PCDHGC3: variants seen among roughly 807,000 people sequenced by gnomAD.
PCDHGC3 encodes the protein protocadherin gamma subfamily C, 3.
Under a neutral mutation model 59.2 loss-of-function variants are expected in PCDHGC3, and 26 were observed. The ratio of observed to expected loss-of-function variants is 0.44; its 90% CI spans 0.32 to 0.61. The LOEUF is 0.61. Ranked by LOEUF, PCDHGC3 falls within the 20% of genes least tolerant of loss-of-function variation. PCDHGC3 has a pLI of 0.05. For synonymous variants in PCDHGC3, 487 were observed against 519.7 expected, an observed-to-expected ratio of 0.94 and a Z score of 0.86; for missense variants, 1,080 against 1,221.8, an observed-to-expected ratio of 0.88 and a Z score of 1.73.
intron 3 of PCDHGC3, among the ~76,000 whole-genome samples, chr5:141,510,556 T>TA (rs2099881668): frequency 6.6e-6 from 1 of 152,178 alleles, no homozygotes; most frequent in African/African-American, 2.4e-5. Flanking sequence ...TTTGAGCACT[T>TA]ACATCTACCA....
chr5:141,497,466 G>T (rs1047422582), intron 2 of PCDHGC3, among the ~76,000 whole-genome samples: 2 of 152,020 alleles, frequency 1.3e-5, no homozygotes, highest in African/African-American at 4.8e-5. Flanking sequence ...TGGAGATATG[G>T]AGGAGAAGGT....
intron 3 of PCDHGC3, 96 bp downstream of exon 3, chr5:141,505,577 G>C: frequency 2.5e-6 from 4 of 1,589,854 alleles, no homozygotes; most frequent in Non-Finnish European, 3.4e-6. Flanking sequence ...TGTCAAACCT[G>C]TGTAGTTTCT....
chr5:141,500,433 T>C (rs1398344932), intron 2 of PCDHGC3, among the ~76,000 whole-genome samples: 1 of 151,764 alleles, frequency 6.6e-6, no homozygotes, highest in East Asian at 1.9e-4. Context: ...ATGGTCTCGA[T>C]CTCCTGACCT....
At chr5:141,505,302 G>A (rs1733345360) in intron 2 of PCDHGC3, 91 bp from the exon 3 acceptor site, 1 of 1,592,596 alleles carries the variant, frequency 6.3e-7, no homozygotes, top group Admixed American at 1.7e-5. Flanking sequence ...TAGGGTTAGG[G>A]TACTAGGTTT....
Position 141,511,590 on chromosome 5 carries a change from A to C in PCDHGC3, c.*417A>C, listed in dbSNP as rs2099883868. On this transcript the variant is annotated 3_prime_UTR_variant, in exon 4 of 4. Transcript: ENST00000308177. ...AGTAAGGTGGTTGGGGTGTTGAAGT[A>C]CCAAGTAACCTACAAGCCTCCTAGT... The C allele has an allele frequency of 3.7e-6, 1 of 267,790 alleles. No homozygotes were observed. Among genetic ancestry groups the C allele is most frequent in the Admixed American group, 4.8e-5 (1 of 20,946 alleles). The allele number at this position is 267,790 out of a possible 1,614,324, so 16.6% of individuals were successfully genotyped here.
At chr5:141,500,086 A>G (rs1456179271) in intron 2 of PCDHGC3, among the ~76,000 whole-genome samples, 1 of 151,682 alleles carries the variant, frequency 6.6e-6, no homozygotes, top group Non-Finnish European at 1.5e-5. Flanking sequence ...TCCATCTTCC[A>G]TTTTTGCAAT....
chr5:141,487,824 C>A lies in PCDHGC3; in HGVS notation c.2431-6983C>A. The stretch of plus-strand genomic sequence containing the variant: ...TCACAGTTTAGCATTGGGGGCGGGT[C>A]ATGCCTATATCTGAGTAAGAAATGA... On this transcript the variant is annotated intron_variant, in intron 1 of 3. Coordinates refer to ENST00000308177, the MANE Select transcript of PCDHGC3 (RefSeq NM_002588.4). This position sits in a 1 kb window ranked among gnomAD's most constrained non-coding sequence, Gnocchi z 5.0. 2 of 1,247,252 alleles carry A rather than the reference C, an allele frequency of 1.6e-6. No individual in the cohort carries two copies. The highest frequency in any genetic ancestry group is 2.9e-5 in the South Asian group (2 of 68,154). The allele number at this position is 1,247,252 out of a possible 1,614,324, so 77.3% of individuals were successfully genotyped here. A position where few individuals can be genotyped will look rare whatever the true frequency, so the allele number is the denominator to read the frequency against.
rs2099687792 is a variant in PCDHGC3, at chr5:141,489,485, G to GT, written c.2431-5321dup. Reference sequence around the variant, plus strand: ...TATTTTTCCCTGAGCTTGATGAGTGGTGCCCTGGCAGTGAATCAAAAGATT... The same window carrying GT: ...TATTTTTCCCTGAGCTTGATGAGTGGTTGCCCTGGCAGTGAATCAAAAGATT... On this transcript the variant is annotated intron_variant, in intron 1 of 3. Coordinates refer to ENST00000308177, the MANE Select transcript of PCDHGC3 (RefSeq NM_002588.4). This position sits in a 1 kb window ranked among gnomAD's most constrained non-coding sequence, Gnocchi z 4.5. The GT allele has an allele frequency of 6.2e-7, 1 of 1,614,088 alleles. No individual in the cohort carries two copies. The highest frequency in any genetic ancestry group is 2.2e-5 in the East Asian group (1 of 44,868).
At chr5:141,495,591 C>G (rs2099762279) in intron 2 of PCDHGC3, among the ~76,000 whole-genome samples, 3 of 152,222 alleles carry the variant, frequency 2.0e-5, no homozygotes, top group African/African-American at 7.2e-5. Context: ...CCATCTCTGT[C>G]TTAGCTTCCG....
intron 2 of PCDHGC3, among the ~76,000 whole-genome samples, chr5:141,504,960 T>C (rs9324851): frequency 0.59 from 89,328 of 151,916 alleles, 27,885 homozygotes; most frequent in African/African-American, 0.8. Context: ...TTCAATGCAT[T>C]GGACCAGCCT....
At chr5:141,480,240 C>CA (rs11374694) in intron 1 of PCDHGC3, among the ~76,000 whole-genome samples, 21,591 of 113,808 alleles carry the variant, frequency 0.19, 1,578 homozygotes, top group Admixed American at 0.21. Context: ...CCTGTCTCTA[C>CA]AAAAAAAAAA....
intron 1 of PCDHGC3, chr5:141,479,563 G>A (rs1469231382): frequency 2.6e-5 from 4 of 152,206 alleles, no homozygotes; most frequent in Admixed American, 2.0e-4. Context: ...ATCCAGTAGT[G>A]GGATGACATC....
chr5:141,477,819 T>C lies in PCDHGC3; in HGVS notation c.1703T>C (p.Leu568Pro). 1.9e-6 allele frequency: 3 copies of C among 1,614,138 alleles called. No individual in the cohort carries two copies. The highest frequency in any genetic ancestry group is 2.5e-6 in the Non-Finnish European group (3 of 1,180,030). Residue 568 changes from leucine (L) to proline (P), a missense_variant, in exon 1 of 4, where the codon CTA (leucine) becomes CCA (proline). Transcript: ENST00000308177. The surrounding 1 kb of genome is among the most constrained non-coding windows in gnomAD (Gnocchi z 4.9). ...CGCAATGACAATGCCCCCCAGGTCC[T>C]ATATCCTCGGCCAGGTGGGAGCTCG... ...TDRNDNAPQV[L>P]YPRPGGSSVE... is the part of the protein sequence containing the mutation.
At chr5:141,507,183 C>T (rs2099859036) in intron 3 of PCDHGC3, 1 of 152,428 alleles carries the variant, frequency 6.6e-6, no homozygotes, top group Non-Finnish European at 1.5e-5. Flanking sequence ...TCCTCGAGCT[C>T]TGCTTTATTC....
Position 141,490,365 on chromosome 5 carries a change from A to G in PCDHGC3, c.2431-4442A>G. The G allele has an allele frequency of 6.2e-7, 1 of 1,614,170 alleles. No individual in the cohort carries two copies. The highest frequency in any genetic ancestry group is 8.5e-7 in the Non-Finnish European group (1 of 1,180,030). On this transcript the variant is annotated intron_variant, in intron 1 of 3. Coordinates refer to ENST00000308177, the MANE Select transcript of PCDHGC3 (RefSeq NM_002588.4). The surrounding 1 kb of genome is among the most constrained non-coding windows in gnomAD (Gnocchi z 5.4). ...CAGTAGTGGGGTTGTTTAATGTGCG[A>G]GACCGGGACTCAGGTAGAAATGGTG...
intron 2 of PCDHGC3, among the ~76,000 whole-genome samples, chr5:141,497,721 G>A (rs2099778948): frequency 6.6e-6 from 1 of 152,006 alleles, no homozygotes; most frequent in African/African-American, 2.4e-5. Flanking sequence ...TGTATTTTTA[G>A]TAGAGATGGG....
intron 1 of PCDHGC3, among the ~76,000 whole-genome samples, chr5:141,488,133 G>T (rs1046071550): frequency 6.6e-6 from 1 of 152,198 alleles, no homozygotes; most frequent in Non-Finnish European, 1.5e-5. Context: ...AGAAAGAGGA[G>T]AGAACTAAAG....
At chr5:141,479,186 T>A (rs956575218) in intron 1 of PCDHGC3, 1 of 152,590 alleles carries the variant, frequency 6.6e-6, no homozygotes, top group Non-Finnish European at 1.5e-5. Flanking sequence ...GCTAGAAAAT[T>A]CAGAAAATAC....
At position 141,478,100 on chromosome 5, in the gene PCDHGC3, C is replaced by T; in HGVS notation, c.1984C>T (p.Leu662Phe). ...GCCTTCGCTCTCCACCACTGCTACC[C>T]TCACTGTGTCAGTAACCGAGGACTC... ...GEPSLSTTAT[L>F]TVSVTEDSPE... is the part of the protein sequence containing the mutation. Residue 662 changes from leucine to phenylalanine, a missense_variant, in exon 1 of 4, where the codon CTC becomes TTC. By Grantham distance (22) the Leu-to-Phe change is conservative. Transcript: ENST00000308177. 1 of 1,614,124 alleles carries T rather than the reference C, an allele frequency of 6.2e-7. No individual in the cohort carries two copies. The highest frequency in any genetic ancestry group is 8.5e-7 in the Non-Finnish European group (1 of 1,180,030).
Sources: allele counts gnomAD v4.1 joint callset (sites outside exome capture counted in the v4.1 genomes callset), GRCh38; gene constraint gnomAD v4.1.1; non-coding constraint Gnocchi (gnomAD v3.1); transcripts MANE v1.5; gene names NCBI Gene and HGNC (gene_info 2026-07-23, HGNC 2026-07-21).